FHOD3: variants seen among roughly 807,000 people sequenced by gnomAD.
FHOD3 encodes the protein FH1/FH2 domain-containing protein 3.
A neutral mutation model predicts 173.0 loss-of-function variants in FHOD3; 90 were observed. The observed-to-expected ratio is 0.52, with a 90% confidence interval of 0.44 to 0.62. The LOEUF is 0.62. FHOD3 is among the 20% of genes least tolerant of loss of function. FHOD3 has a pLI of 0.00. For missense variants in FHOD3, 1,945 were observed against 2,034.7 expected (o/e 0.96, Z 0.85); for synonymous variants, 828 against 823.0 (o/e 1.01, Z -0.10).
intron 3 of FHOD3, among the ~76,000 whole-genome samples, chr18:36,385,474 G>A (rs2047985022): frequency 6.6e-6 from 1 of 151,966 alleles, no homozygotes; most frequent in African/African-American, 2.4e-5. Flanking sequence ...TCGGTTCACT[G>A]TAACCTCCAC....
chr18:36,614,118 G>A (rs1322511429), intron 9 of FHOD3, among the ~76,000 whole-genome samples: 1 of 152,068 alleles, frequency 6.6e-6, no homozygotes, highest in Non-Finnish European at 1.5e-5. Context: ...GATTGCTTTT[G>A]TCACTCCCAA....
chr18:36,392,488 C>T (rs2048349646), intron 3 of FHOD3, among the ~76,000 whole-genome samples: 1 of 152,110 alleles, frequency 6.6e-6, no homozygotes, highest in African/African-American at 2.4e-5. Flanking sequence ...AGAAAGCCCT[C>T]CCTGAGTAGT....
intron 13 of FHOD3, among the ~76,000 whole-genome samples, chr18:36,655,768 CACACAA>C (rs563161213): frequency 6.9e-4 from 94 of 136,864 alleles, no homozygotes; most frequent in Middle Eastern, 7.2e-3. Flanking sequence ...CACACACACA[CACACAA>C]AAATGCTGAA....
chr18:36,397,127 C>A (rs2048590809), intron 3 of FHOD3, among the ~76,000 whole-genome samples: 1 of 152,186 alleles, frequency 6.6e-6, no homozygotes, highest in African/African-American at 2.4e-5. Flanking sequence ...ATCTTTTAGT[C>A]CAAACCATGG....
At chr18:36,457,452 T>G (rs1172873427) in intron 3 of FHOD3, among the ~76,000 whole-genome samples, 1 of 152,044 alleles carries the variant, frequency 6.6e-6, no homozygotes, top group Non-Finnish European at 1.5e-5. Context: ...CACACAAGCT[T>G]CCGTACAGAA....
At chr18:36,370,994 G>T (rs1280891793) in intron 2 of FHOD3, among the ~76,000 whole-genome samples, 2 of 152,340 alleles carry the variant, frequency 1.3e-5, no homozygotes, top group East Asian at 3.9e-4. Flanking sequence ...GAGAGTGAGA[G>T]TTTTTTGTGG....
chr18:36,708,093 A>T (rs2039980852), intron 17 of FHOD3, among the ~76,000 whole-genome samples: 1 of 152,204 alleles, frequency 6.6e-6, no homozygotes, highest in Non-Finnish European at 1.5e-5. Context: ...AAATAAAAAA[A>T]TTTTAAAAAA....
intron 3 of FHOD3, among the ~76,000 whole-genome samples, chr18:36,464,963 A>G (rs1466933043): frequency 2.0e-5 from 3 of 152,178 alleles, no homozygotes; most frequent in Admixed American, 6.5e-5. Context: ...GCAAACTGCC[A>G]TGGGATGTTT....
At position 36,760,724 on chromosome 18, in the gene FHOD3, C is replaced by G. The variant is rs1250803682; in HGVS notation, c.4566C>G (p.Pro1522=). Residue 1522 remains proline (P), a synonymous_variant, in exon 27 of 29, where the codon CCC becomes CCG. Coordinates refer to ENST00000590592, the MANE Select transcript of FHOD3 (RefSeq NM_001281740.3). ...AGGCTGTGCTGAAAACCTCGTCCCC[C>G]TCCGTGGAGGACGCCACCCCCGCGC... ...NMKAVLKTSS[P]SVEDATPALG... 6.2e-7 allele frequency: 1 copy of G among 1,613,064 alleles called. No individual in the cohort carries two copies. The highest frequency in any genetic ancestry group is 1.3e-5 in the African/African-American group (1 of 74,944).
At chr18:36,724,149 A>G (rs1320376418) in intron 19 of FHOD3, among the ~76,000 whole-genome samples, 1 of 152,258 alleles carries the variant, frequency 6.6e-6, no homozygotes, top group Non-Finnish European at 1.5e-5. Context: ...TGACTCGGGC[A>G]TCTCCTCTGC....
At position 36,779,581 on chromosome 18, in the gene FHOD3, T is replaced by A; in HGVS notation, c.*51T>A. On this transcript the variant is annotated 3_prime_UTR_variant, in exon 29 of 29. Transcript: ENST00000590592. ...TGCTGAGCAGAAGGCAAGCTCTTGC[T>A]GGATGAAACCCCTCCAGGTGGGGTT... 2 of 1,537,390 alleles carry A rather than the reference T, an allele frequency of 1.3e-6. No homozygotes were observed. The highest frequency in any genetic ancestry group is 1.8e-6 in the Non-Finnish European group (2 of 1,110,974).
At chr18:36,615,311 AT>A (rs1458288649) in intron 9 of FHOD3, among the ~76,000 whole-genome samples, 2 of 152,196 alleles carry the variant, frequency 1.3e-5, no homozygotes, top group African/African-American at 2.4e-5. Context: ...CATTTAAAAA[AT>A]ATTTCCTATT....
At chr18:36,667,925 G>T (rs1438098465) in intron 14 of FHOD3, among the ~76,000 whole-genome samples, 2 of 152,166 alleles carry the variant, frequency 1.3e-5, no homozygotes, top group South Asian at 2.1e-4. Context: ...AGTAGTGCAT[G>T]GTTGTTACTA....
chr18:36,558,931 C>T (rs905355885), intron 5 of FHOD3, among the ~76,000 whole-genome samples: 1 of 152,068 alleles, frequency 6.6e-6, no homozygotes, highest in African/African-American at 2.4e-5. Flanking sequence ...CACTCATACC[C>T]ACATTCAGAC....
intron 5 of FHOD3, among the ~76,000 whole-genome samples, chr18:36,543,212 T>C (rs931843981): frequency 6.6e-6 from 1 of 152,158 alleles, no homozygotes; most frequent in African/African-American, 2.4e-5. Flanking sequence ...GCCTTTATAA[T>C]TGTGTAAGCC....
At chr18:36,691,517 G>A (rs1031378747) in intron 16 of FHOD3, among the ~76,000 whole-genome samples, 3 of 152,164 alleles carry the variant, frequency 2.0e-5, no homozygotes, top group Non-Finnish European at 4.4e-5. Context: ...TTCTTTCAAG[G>A]TTCTTGTTAC....
At chr18:36,761,386 C>G (rs1490710526) in intron 27 of FHOD3, among the ~76,000 whole-genome samples, 1 of 152,156 alleles carries the variant, frequency 6.6e-6, no homozygotes, top group African/African-American at 2.4e-5. Flanking sequence ...GTGAATGTTT[C>G]CTCGTGTTTC....
chr18:36,673,749 C>T (rs374518395), intron 14 of FHOD3, among the ~76,000 whole-genome samples: 113 of 152,276 alleles, frequency 7.4e-4, no homozygotes, highest in African/African-American at 2.4e-3. Context: ...CCACAGCTGC[C>T]TTAGGACCCC....
At chr18:36,652,548 C>T (rs987216906) in intron 11 of FHOD3, 22 bp from the exon 12 acceptor site, 3 of 1,510,406 alleles carry the variant, frequency 2.0e-6, no homozygotes, top group Admixed American at 2.1e-5. Flanking sequence ...CTTCTTCCTC[C>T]TCCTCCCTGC....
Sources: allele counts gnomAD v4.1 joint callset (sites outside exome capture counted in the v4.1 genomes callset), GRCh38; gene constraint gnomAD v4.1.1; transcripts MANE v1.5; gene names NCBI Gene and HGNC (gene_info 2026-07-23, HGNC 2026-07-21).